SRSF1: variants seen among roughly 807,000 people sequenced by gnomAD.
SRSF1 encodes the protein serine and arginine rich splicing factor 1, also known as serine/arginine-rich splicing factor 1.
In SRSF1, 1 loss-of-function variant was observed where a neutral mutation model predicts 25.9. That is an observed-to-expected ratio of 0.04 (90% CI 0.01 to 0.18). The LOEUF (loss-of-function observed/expected upper bound fraction) is 0.18. Ranked by LOEUF, SRSF1 falls within the 10% of genes least tolerant of loss-of-function variation. The pLI is 1.00. For missense variants in SRSF1, 65 were observed against 350.5 expected (o/e 0.19, Z 6.50); for synonymous variants, 132 against 126.2 (o/e 1.05, Z -0.31).
At position 58,001,286 on chromosome 17, in the gene SRSF1, A is replaced by G. The variant is rs1048434590; in HGVS notation, c.*4120T>C. ...AAACACCAAGAAAAGTTGAGATTCTACAATAAATCATATTAAACGCAAGCA... is the reference window on the plus strand; with the variant it reads ...AAACACCAAGAAAAGTTGAGATTCTGCAATAAATCATATTAAACGCAAGCA... On this transcript the variant is annotated 3_prime_UTR_variant, in exon 4 of 4. Coordinates refer to ENST00000258962, the MANE Select transcript of SRSF1 (RefSeq NM_006924.5). Among the ~76,000 whole-genome samples, 1 of 152,192 alleles carries G rather than the reference A, an allele frequency of 6.6e-6. No homozygotes were observed. Among genetic ancestry groups the G allele is most frequent in the African/African-American group, 2.4e-5 (1 of 41,466 alleles).
chr17:57,994,008 G>A, the SRSF1 span: 1 of 152,188 alleles, frequency 6.6e-6, no homozygotes, highest in African/African-American at 2.4e-5. Context: ...AACACTTCCT[G>A]AGCACCTGGT....
chr17:57,993,411 A>T, the SRSF1 span: 1 of 152,354 alleles, frequency 6.6e-6, no homozygotes, highest in South Asian at 2.1e-4. Flanking sequence ...AAAGTGCCTA[A>T]AGTTCTACAT....
Position 58,005,976 on chromosome 17 carries a change from G to GA in SRSF1, c.380-4dup, listed in dbSNP as rs767283984. 6.2e-7 allele frequency: 1 copy of GA among 1,605,744 alleles called. No individual in the cohort carries two copies. The highest frequency in any genetic ancestry group is 8.5e-7 in the Non-Finnish European group (1 of 1,178,558). ...CCAACTTCCACTTGGAGGCAGTCCT[G>GA]AAAAAGTGATTTTTTTTTTCTTAGT... On this transcript the variant is annotated splice_polypyrimidine_tract_variant and splice_region_variant and intron_variant, in intron 2 of 3. Coordinates refer to ENST00000258962, the MANE Select transcript of SRSF1 (RefSeq NM_006924.5). The surrounding 1 kb of genome is among the most constrained non-coding windows in gnomAD (Gnocchi z 5.2).
the SRSF1 span, chr17:57,989,349 C>A: frequency 2.5e-6 from 1 of 398,510 alleles, no homozygotes; most frequent in East Asian, 3.6e-5. Flanking sequence ...AATGAGGGGG[C>A]AGGCTGTATC....
chr17:57,997,983 G>A (rs1403296601), downstream of SRSF1, among the ~76,000 whole-genome samples: 2 of 152,176 alleles, frequency 1.3e-5, no homozygotes, highest in Admixed American at 1.3e-4. Context: ...GGGAGGCCGA[G>A]GCGGGCGGAT....
At chr17:57,995,916 G>C in the SRSF1 span, among the ~76,000 whole-genome samples, 1 of 152,158 alleles carries the variant, frequency 6.6e-6, no homozygotes, top group Non-Finnish European at 1.5e-5. Context: ...GCCAAGGTGG[G>C]AGGCCTGCTT....
downstream of SRSF1, among the ~76,000 whole-genome samples, chr17:57,998,261 T>C (rs896379205): frequency 2.6e-5 from 4 of 152,098 alleles, no homozygotes; most frequent in Admixed American, 1.3e-4. Context: ...TATTTTATAG[T>C]TCAAATTTCT....
At chr17:57,999,385 A>G (rs1427345335), downstream of SRSF1, among the ~76,000 whole-genome samples, 1 of 152,216 alleles carries the variant, frequency 6.6e-6, no homozygotes, top group East Asian at 1.9e-4. Flanking sequence ...TGTACAAGGT[A>G]GGCAGAAAAA....
the SRSF1 span, chr17:57,992,825 T>C: frequency 2.6e-5 from 4 of 152,002 alleles, no homozygotes; most frequent in African/African-American, 9.7e-5. Context: ...CAACTGAGGG[T>C]CCCTCCATTC....
intron 1 of SRSF1, 53 bp from the exon 2 acceptor site, chr17:58,006,580 G>T: frequency 1.3e-6 from 2 of 1,536,180 alleles, no homozygotes; most frequent in Non-Finnish European, 1.8e-6. Context: ...GGAGAAGCTC[G>T]CTCAGTTGGG....
At chr17:57,989,230 C>G in the SRSF1 span, 1 of 398,538 alleles carries the variant, frequency 2.5e-6, no homozygotes, top group Non-Finnish European at 4.4e-6. Flanking sequence ...ATGATGATGT[C>G]CTGAACATTT....
At chr17:57,999,837 G>C (rs1032868344), downstream of SRSF1, among the ~76,000 whole-genome samples, 2 of 152,122 alleles carry the variant, frequency 1.3e-5, no homozygotes, top group South Asian at 2.1e-4. Flanking sequence ...TAGCATCCTA[G>C]AGAAGCTGTT....
chr17:57,989,838 T>G, the SRSF1 span: 2 of 398,234 alleles, frequency 5.0e-6, no homozygotes, highest in Non-Finnish European at 8.8e-6. Flanking sequence ...GAGTTTCTGA[T>G]ACATTTATCA....
In SRSF1 at chr17:58,005,266, C is replaced by A; in HGVS notation, c.*140G>T. 1.2e-6 allele frequency: 1 copy of A among 820,564 alleles called. No homozygotes were observed. The highest frequency in any genetic ancestry group is 1.9e-6 in the Non-Finnish European group (1 of 520,486). The allele number at this position is 820,564 out of a possible 1,614,324, so 50.8% of individuals were successfully genotyped here. On this transcript the variant is annotated 3_prime_UTR_variant, in exon 4 of 4. Coordinates refer to ENST00000258962, the MANE Select transcript of SRSF1 (RefSeq NM_006924.5). The surrounding 1 kb of genome is among the most constrained non-coding windows in gnomAD (Gnocchi z 5.2). ...ACGAAGGGAATGTAGATGTTAGGAG[C>A]AAGGGGATATTACAAGAATGCAATT...
chr17:58,007,138 G>T lies in SRSF1; in HGVS notation c.-1C>A. On this transcript the variant is annotated 5_prime_UTR_variant, in exon 1 of 4. Coordinates refer to ENST00000258962, the MANE Select transcript of SRSF1 (RefSeq NM_006924.5). ...CACGAATCACACCACCTCCCGACATGGCGGTGACGAAAAGCGCGGACTCGA... is the reference window on the plus strand; with the variant it reads ...CACGAATCACACCACCTCCCGACATTGCGGTGACGAAAAGCGCGGACTCGA... The T allele has an allele frequency of 6.2e-7, 1 of 1,613,970 alleles. No homozygotes were observed. Among genetic ancestry groups the T allele is most frequent in the South Asian group, 1.1e-5 (1 of 91,088 alleles).
intron 1 of SRSF1, 29 bp from the exon 2 acceptor site, chr17:58,006,556 G>A (rs749337618): frequency 1.1e-5 from 18 of 1,592,724 alleles, no homozygotes; most frequent in Non-Finnish European, 1.5e-5. Context: ...TAAAAGGGAT[G>A]AGAAACACCA....
chr17:57,999,133 A>C (rs573095975), downstream of SRSF1, among the ~76,000 whole-genome samples: 1 of 152,220 alleles, frequency 6.6e-6, no homozygotes, highest in Non-Finnish European at 1.5e-5. Flanking sequence ...TGAGGCCTAG[A>C]AAATAGAAAA....
At chr17:57,999,635 ATCT>A (rs2075378210), downstream of SRSF1, among the ~76,000 whole-genome samples, 1 of 152,202 alleles carries the variant, frequency 6.6e-6, no homozygotes, top group African/African-American at 2.4e-5. Flanking sequence ...TGTTCTATGT[ATCT>A]ATAATGGGGA....
chr17:57,997,670 G>C (rs1169966057), downstream of SRSF1, among the ~76,000 whole-genome samples: 2 of 152,140 alleles, frequency 1.3e-5, no homozygotes, highest in Non-Finnish European at 2.9e-5. Flanking sequence ...TTTGGGTACA[G>C]ACAAAAATGC....
Sources: gnomAD v4.1 joint callset for allele counts (sites outside exome capture counted in the v4.1 genomes callset) on GRCh38, gnomAD v4.1.1 for gene constraint, Gnocchi (gnomAD v3.1) non-coding constraint, MANE v1.5 for transcripts, NCBI Gene and HGNC (gene_info 2026-07-23, HGNC 2026-07-21) for gene names.